PKHD1: variants seen among roughly 807,000 people sequenced by gnomAD.
PKHD1 encodes the protein PKHD1 ciliary IPT domain containing fibrocystin/polyductin, also known as fibrocystin.
Under a neutral mutation model 412.0 loss-of-function variants are expected in PKHD1, and 291 were observed. The ratio of observed to expected loss-of-function variants is 0.71; its 90% CI spans 0.64 to 0.78. PKHD1 has a LOEUF of 0.78. Ranked by LOEUF, PKHD1 falls within the 30% of genes least tolerant of loss-of-function variation. PKHD1 has a pLI of 0.00. For missense variants in PKHD1, 4,825 were observed against 4,950.7 expected (o/e 0.97, Z 0.76); for synonymous variants, 1,777 against 1,821.5 (o/e 0.98, Z 0.62).
At chr6:51,790,381 T>C (rs1793556253) in intron 53 of PKHD1, among the ~76,000 whole-genome samples, 1 of 152,128 alleles carries the variant, frequency 6.6e-6, no homozygotes, top group Non-Finnish European at 1.5e-5. Flanking sequence ...CAAATCTGGT[T>C]AATACACTAC....
chr6:52,029,829 G>C (rs1364403896), intron 29 of PKHD1, among the ~76,000 whole-genome samples: 7 of 152,192 alleles, frequency 4.6e-5, no homozygotes, highest in African/African-American at 9.7e-5. Context: ...AGGGATGTCT[G>C]CTTAACTCAG....
chr6:51,837,007 A>G (rs975106359), intron 50 of PKHD1, among the ~76,000 whole-genome samples: 1 of 152,194 alleles, frequency 6.6e-6, no homozygotes, highest in Non-Finnish European at 1.5e-5. Flanking sequence ...TTAAGCGTTC[A>G]ATAAATTAGT....
intron 39 of PKHD1, among the ~76,000 whole-genome samples, chr6:51,911,542 A>G (rs1782937959): frequency 6.6e-6 from 1 of 152,114 alleles, no homozygotes; most frequent in Non-Finnish European, 1.5e-5. Context: ...TTTAATAGAA[A>G]TATTTTCCCC....
intron 27 of PKHD1, among the ~76,000 whole-genome samples, chr6:52,041,179 T>C (rs1251766872): frequency 1.3e-5 from 2 of 152,248 alleles, no homozygotes; most frequent in African/African-American, 4.8e-5. Flanking sequence ...AGGTGGTGAT[T>C]TATCACATTA....
At chr6:51,648,449 G>T (rs1014287738) in intron 62 of PKHD1, among the ~76,000 whole-genome samples, 1 of 152,074 alleles carries the variant, frequency 6.6e-6, no homozygotes, top group Non-Finnish European at 1.5e-5. Context: ...GAGAGAGCTG[G>T]GTGAGTGCCA....
chr6:51,896,094 G>A (rs952508917), intron 43 of PKHD1, among the ~76,000 whole-genome samples: 1 of 152,156 alleles, frequency 6.6e-6, no homozygotes, highest in Non-Finnish European at 1.5e-5. Flanking sequence ...CTGGAGGAGG[G>A]GCGCCCACCA....
chr6:51,968,915 G>A (rs1793241566), intron 35 of PKHD1, among the ~76,000 whole-genome samples: 1 of 152,186 alleles, frequency 6.6e-6, no homozygotes, highest in African/African-American at 2.4e-5. Flanking sequence ...AACCCCTGGT[G>A]TACACACCCT....
chr6:51,769,681 C>T (rs950300567), intron 55 of PKHD1, among the ~76,000 whole-genome samples: 8 of 148,610 alleles, frequency 5.4e-5, no homozygotes, highest in Non-Finnish European at 1.0e-4. Flanking sequence ...TCTAATTTCT[C>T]ATATTGACAG....
chr6:51,850,041 T>C (rs1771913243), intron 49 of PKHD1, among the ~76,000 whole-genome samples: 1 of 152,222 alleles, frequency 6.6e-6, no homozygotes, highest in South Asian at 2.1e-4. Context: ...TTCATGTAAG[T>C]CTTTAATCCA....
At chr6:51,914,439 T>C (rs1783463085) in intron 37 of PKHD1, among the ~76,000 whole-genome samples, 1 of 152,104 alleles carries the variant, frequency 6.6e-6, no homozygotes, top group Non-Finnish European at 1.5e-5. Context: ...GTTTAATGAG[T>C]GTTGGCCTCA....
chr6:51,870,672 A>G (rs1212295042), intron 46 of PKHD1, 33 bp from the exon 47 acceptor site: 1 of 1,574,544 alleles, frequency 6.4e-7, no homozygotes, highest in South Asian at 1.1e-5. Flanking sequence ...ATGAAAGCAA[A>G]ATAAGAAAAC....
intron 53 of PKHD1, among the ~76,000 whole-genome samples, chr6:51,790,050 C>G (rs7755497): frequency 6.6e-6 from 1 of 151,464 alleles, no homozygotes; most frequent in Non-Finnish European, 1.5e-5. Context: ...AATATTTTTA[C>G]AGTAACTTAA....
chr6:51,650,132 T>C (rs1770701342), intron 61 of PKHD1, among the ~76,000 whole-genome samples: 1 of 152,168 alleles, frequency 6.6e-6, no homozygotes, highest in African/African-American at 2.4e-5. Context: ...CTTAGTTCCT[T>C]TGAACATGTT....
intron 34 of PKHD1, among the ~76,000 whole-genome samples, chr6:52,011,285 C>T (rs1799786662): frequency 6.6e-6 from 1 of 152,188 alleles, no homozygotes; most frequent in Admixed American, 6.5e-5. Flanking sequence ...ATTCAAGAAT[C>T]ATCCTGGCTG....
At chr6:51,896,925 G>A (rs1780148273) in intron 43 of PKHD1, among the ~76,000 whole-genome samples, 1 of 152,126 alleles carries the variant, frequency 6.6e-6, no homozygotes. Flanking sequence ...GATGGAAGAT[G>A]AAGTGAATGA....
rs533610959 is a variant in PKHD1 at position 51,812,133 on chromosome 6, C to T, written c.8302+18728G>A. 2.0e-5 allele frequency among the ~76,000 whole-genome samples: 3 copies of T among 152,284 alleles called. No individual in the cohort carries two copies. The East Asian group carries it at 5.8e-4, about 29-fold the overall frequency. On this transcript the variant is annotated intron_variant, in intron 52 of 66. Transcript: ENST00000371117. Reference sequence around the variant, plus strand: ...TACATCCCGCTCGGTCCCTTTGTAGCTGTGGGACCCAGGGAATATTACTTA... The same window carrying T: ...TACATCCCGCTCGGTCCCTTTGTAGTTGTGGGACCCAGGGAATATTACTTA...
intron 33 of PKHD1, among the ~76,000 whole-genome samples, chr6:52,021,918 CAAAT>C (rs1320648952): frequency 6.6e-6 from 1 of 152,042 alleles, no homozygotes; most frequent in Non-Finnish European, 1.5e-5. Context: ...AAGTTGCAGA[CAAAT>C]AAATTAGGAA....
intron 45 of PKHD1, 118 bp from the exon 46 acceptor site, chr6:51,883,345 C>G: frequency 1.1e-6 from 1 of 929,518 alleles, no homozygotes; most frequent in Non-Finnish European, 1.7e-6. Flanking sequence ...TATTAAAGCA[C>G]CTTTTGTCCA....
chr6:52,001,848 A>G (rs1034694132), intron 35 of PKHD1, among the ~76,000 whole-genome samples: 4 of 152,230 alleles, frequency 2.6e-5, no homozygotes, highest in Non-Finnish European at 5.9e-5. Flanking sequence ...CAACACCACC[A>G]TAAACAATTA....
Sources: gnomAD v4.1 joint callset for allele counts (sites outside exome capture counted in the v4.1 genomes callset) on GRCh38, gnomAD v4.1.1 for gene constraint, MANE v1.5 for transcripts, NCBI Gene and HGNC (gene_info 2026-07-23, HGNC 2026-07-21) for gene names.